Variants in IGSF9B observed in about 807,000 individuals in gnomAD.
The protein encoded by IGSF9B is protein turtle homolog B.
Under a neutral mutation model 143.7 loss-of-function variants are expected in IGSF9B, and 48 were observed. That is an observed-to-expected ratio of 0.33 (90% confidence interval 0.26 to 0.42). The LOEUF (loss-of-function observed/expected upper bound fraction) is 0.42. IGSF9B is among the 20% of genes least tolerant of loss of function. The pLI, the probability that IGSF9B is intolerant of heterozygous loss-of-function variation, is 1.00. For missense variants in IGSF9B, 1,706 were observed against 1,980.0 expected (o/e 0.86, Z 2.63); for synonymous variants, 903 against 833.1 (o/e 1.08, Z -1.44).
Position 133,946,250 on chromosome 11 carries a change from C to G in IGSF9B, c.73G>C (p.Gly25Arg), listed in dbSNP as rs763227181. ...TRGLAAEGAHGLREEPEFVTA... is the reference protein window; with the variant it reads ...TRGLAAEGAHRLREEPEFVTA... ...ACAAACTCGGGCTCCTCTCGCAGGC[C>G]GTGGGCGCCTGATGGGGACGGCCAG... Residue 25 changes from glycine to arginine, a missense_variant, in exon 2 of 20, where the codon GGC becomes CGC. Coordinates refer to ENST00000533871, the MANE Select transcript of IGSF9B (RefSeq NM_001277285.4). 1.3e-5 allele frequency: 21 copies of G among 1,613,186 alleles called. No individual in the cohort carries two copies. The highest frequency in any genetic ancestry group is 4.5e-5 in the East Asian group (2 of 44,858).
At chr11:133,915,149 C>T (rs985506043) in intron 18 of IGSF9B, among the ~76,000 whole-genome samples, 2 of 152,188 alleles carry the variant, frequency 1.3e-5, no homozygotes, top group South Asian at 2.1e-4. Context: ...CCTGGGGCTC[C>T]CCTTCTCCCA....
intron 19 of IGSF9B, among the ~76,000 whole-genome samples, chr11:133,910,300 G>C (rs185953137): frequency 6.6e-6 from 1 of 152,136 alleles, no homozygotes; most frequent in African/African-American, 2.4e-5. Flanking sequence ...TGGAGTCCAC[G>C]GTGCAAGGTA....
At chr11:133,932,561 T>G (rs1189470212) in intron 7 of IGSF9B, among the ~76,000 whole-genome samples, 1 of 52,270 alleles carries the variant, frequency 1.9e-5, no homozygotes, top group Non-Finnish European at 3.3e-5. Flanking sequence ...GGAAGCCAGG[T>G]GGGAGAGCAG....
At chr11:133,944,026 ACAGGC>A (rs1939998358) in intron 3 of IGSF9B, among the ~76,000 whole-genome samples, 189 bp downstream of exon 3, 1 of 152,260 alleles carries the variant, frequency 6.6e-6, no homozygotes, top group Non-Finnish European at 1.5e-5. Context: ...CACTGCCTGC[ACAGGC>A]TTCGAGAAGA....
chr11:133,949,831 C>G (rs111937235), intron 1 of IGSF9B, among the ~76,000 whole-genome samples: 1 of 152,140 alleles, frequency 6.6e-6, no homozygotes, highest in Non-Finnish European at 1.5e-5. Flanking sequence ...AGGCTCCCCC[C>G]TCAAAGGGGG....
chr11:133,938,192 G>A lies in IGSF9B; in HGVS notation c.410-231C>T, dbSNP rs1939860623. 6 of 520,676 alleles carry A rather than the reference G, an allele frequency of 1.2e-5. No homozygotes were observed. The South Asian group carries it at 1.4e-4, about 12-fold the overall frequency. The allele number at this position is 520,676 out of a possible 1,614,324, so 32.3% of individuals were successfully genotyped here. A position where few individuals can be genotyped will look rare whatever the true frequency, so the allele number is the denominator to read the frequency against. On this transcript the variant is annotated intron_variant, in intron 3 of 19. Coordinates refer to ENST00000533871, the MANE Select transcript of IGSF9B (RefSeq NM_001277285.4). ...ATTCTGTATTGTAGCTTATTCCCAGGTCACCGATGTTAACTGAGCATCTAC... is the reference window on the plus strand; with the variant it reads ...ATTCTGTATTGTAGCTTATTCCCAGATCACCGATGTTAACTGAGCATCTAC...
intron 7 of IGSF9B, 93 bp downstream of exon 7, chr11:133,935,524 G>A: frequency 7.3e-7 from 1 of 1,363,096 alleles, no homozygotes. Context: ...CCCAAATGAT[G>A]CTTGGTCTTT....
At chr11:133,944,481 A>C in intron 2 of IGSF9B, 115 bp from the exon 3 acceptor site, 2 of 1,100,252 alleles carry the variant, frequency 1.8e-6, no homozygotes, top group Non-Finnish European at 2.6e-6. Context: ...ACCATTCCCT[A>C]TGGCAGGGCT....
In IGSF9B at chr11:133,900,023, G is replaced by C. The variant is rs1163917864; in HGVS notation, c.*9046C>G. 1 of 152,162 alleles carries C rather than the reference G, an allele frequency of 6.6e-6. No individual in the cohort carries two copies. Among genetic ancestry groups the C allele is most frequent in the Non-Finnish European group, 1.5e-5 (1 of 68,034 alleles). 9.4% of individuals were successfully genotyped at this position (152,162 alleles called of 1,614,324 possible). A position where few individuals can be genotyped will look rare whatever the true frequency, so the allele number is the denominator to read the frequency against. On this transcript the variant is annotated 3_prime_UTR_variant, in exon 20 of 20. Coordinates refer to ENST00000533871, the MANE Select transcript of IGSF9B (RefSeq NM_001277285.4). ...GGAGTGTTCTCAGCAGTTAATTTGA[G>C]GACCCAAGGACAGTGCCTGACTGAA...
chr11:133,927,748 C>T (rs972699706), intron 12 of IGSF9B, among the ~76,000 whole-genome samples: 15 of 152,130 alleles, frequency 9.9e-5, no homozygotes, highest in East Asian at 3.9e-4. Context: ...CCAGCAAAGC[C>T]GGAGGGCTAT....
chr11:133,925,969 C>A lies in IGSF9B; in HGVS notation c.1808-4G>T, dbSNP rs776074561. 3 of 1,579,704 alleles carry A rather than the reference C, an allele frequency of 1.9e-6. No individual in the cohort carries two copies. Among genetic ancestry groups the A allele is most frequent in the Admixed American group, 1.8e-5 (1 of 55,162 alleles). On this transcript the variant is annotated splice_region_variant and splice_polypyrimidine_tract_variant and intron_variant, in intron 13 of 19. Coordinates refer to ENST00000533871, the MANE Select transcript of IGSF9B (RefSeq NM_001277285.4). Reference sequence around the variant, plus strand: ...TCTGGAGTTGTAATAGGGAATGCTGCGGCGGGGGAAGGAGAAGAACCACAG... The same window carrying A: ...TCTGGAGTTGTAATAGGGAATGCTGAGGCGGGGGAAGGAGAAGAACCACAG...
intron 19 of IGSF9B, 26 bp downstream of exon 19, chr11:133,911,860 G>A (rs1001523792): frequency 1.6e-5 from 24 of 1,491,840 alleles, no homozygotes; most frequent in Admixed American, 1.2e-4. Flanking sequence ...TGGGAGGAGC[G>A]GGGCGGGCCA....
At chr11:133,917,110 G>T (rs187853861) in intron 18 of IGSF9B, among the ~76,000 whole-genome samples, 1 of 152,302 alleles carries the variant, frequency 6.6e-6, no homozygotes, top group African/African-American at 2.4e-5. Context: ...TCTAGGGGGG[G>T]AAGGCACCTG....
chr11:133,907,131 C>A lies in IGSF9B; in HGVS notation c.*1938G>T, dbSNP rs149845230. Among the ~76,000 whole-genome samples, 170 of 152,278 alleles carry A rather than the reference C, an allele frequency of 1.1e-3. No individual in the cohort carries two copies. The highest frequency in any genetic ancestry group is 3.9e-3 in the African/African-American group (161 of 41,544). ...CACGGCCCAGTCTCAGAAGCCCCTG[C>A]GTGCCTCTCTCACCATGACCCCTTC... is the stretch of plus-strand genomic sequence containing the variant. On this transcript the variant is annotated 3_prime_UTR_variant, in exon 20 of 20. Coordinates refer to ENST00000533871, the MANE Select transcript of IGSF9B (RefSeq NM_001277285.4).
At chr11:133,949,657 T>C (rs925665978) in intron 1 of IGSF9B, among the ~76,000 whole-genome samples, 2 of 151,038 alleles carry the variant, frequency 1.3e-5, no homozygotes, top group Admixed American at 6.6e-5. Flanking sequence ...CACCTGTGTG[T>C]GTCTGTGTTC....
Position 133,920,587 on chromosome 11 carries a change from G to A in IGSF9B, c.3138C>T (p.Pro1046=), listed in dbSNP as rs1221240164. ...SPEPWGRPEF[P]FGGLETPAMM... The stretch of plus-strand genomic sequence containing the variant: ...TCGCTGGGGTCTCCAGCCCCCCGAA[G>A]GGGAATTCTGGCCGGCCCCAGGGCT... The change falls in exon 18 of 20, where the codon CCC becomes CCT. Residue 1046 remains proline (P), a synonymous_variant. Transcript: ENST00000533871. 7 of 1,613,496 alleles carry A rather than the reference G, an allele frequency of 4.3e-6. No individual in the cohort carries two copies. Among genetic ancestry groups the A allele is most frequent in the South Asian group, 3.3e-5 (3 of 91,088 alleles).
chr11:133,932,024 C>G (rs775508774), intron 8 of IGSF9B, 47 bp downstream of exon 8: 1 of 1,583,586 alleles, frequency 6.3e-7, no homozygotes, highest in Non-Finnish European at 8.6e-7. Context: ...CATCACAGTA[C>G]TGGGGGGAGC....
Position 133,905,703 on chromosome 11 carries a change from A to C in IGSF9B, c.*3366T>G, listed in dbSNP as rs1939201627. ...CCTGCTAAGAAAGTAGGATCTCAAA[A>C]GGCCTGTCCTACCCCCAGTCTCTCC... On this transcript the variant is annotated 3_prime_UTR_variant, in exon 20 of 20. Transcript: ENST00000533871. This position sits in a 1 kb window ranked among gnomAD's most constrained non-coding sequence, Gnocchi z 4.0. Among the ~76,000 whole-genome samples, 1 of 152,156 alleles carries C rather than the reference A, an allele frequency of 6.6e-6. No homozygotes were observed. The highest frequency in any genetic ancestry group is 6.5e-5 in the Admixed American group (1 of 15,276).
Position 133,946,070 on chromosome 11 carries a change from C to T in IGSF9B, c.253G>A (p.Glu85Lys). Residue 85 changes from glutamate to lysine, a missense_variant, in exon 2 of 20, where the codon GAG becomes AAG. Transcript: ENST00000533871. The part of the protein sequence containing the change: ...FGYYPPHVDP[E>K]YAGRASLHDK... ...GGTGCCCAGACCTTACCTGCATACT[C>T]AGGGTCCACGTGCGGCGGGTAGTAG... The T allele has an allele frequency of 6.3e-7, 1 of 1,577,146 alleles. No individual in the cohort carries two copies. Among genetic ancestry groups the T allele is most frequent in the Non-Finnish European group, 8.6e-7 (1 of 1,160,358 alleles).
Sources: gnomAD v4.1 joint callset for allele counts (sites outside exome capture counted in the v4.1 genomes callset) on GRCh38, gnomAD v4.1.1 for gene constraint, Gnocchi (gnomAD v3.1) non-coding constraint, MANE v1.5 for transcripts, NCBI Gene and HGNC (gene_info 2026-07-23, HGNC 2026-07-21) for gene names.